Variants in STPG2 observed in about 807,000 individuals in gnomAD.
STPG2 encodes sperm tail PG-rich repeat containing 2, also known as sperm-tail PG-rich repeat-containing protein 2.
A neutral mutation model predicts 54.2 loss-of-function variants in STPG2; 56 were observed. The observed-to-expected ratio is 1.03, with a 90% CI of 0.83 to 1.29. The LOEUF is 1.29. STPG2 is among the 50% of genes most tolerant of loss of function. The pLI, the probability that STPG2 is intolerant of heterozygous loss-of-function variation, is 0.00. For synonymous variants in STPG2, 200 were observed against 181.8 expected (o/e 1.10, Z -0.81); for missense variants, 596 against 544.9 (o/e 1.09, Z -0.93).
At chr4:97,844,941 A>G (rs1728905344) in intron 8 of STPG2, among the ~76,000 whole-genome samples, 1 of 151,860 alleles carries the variant, frequency 6.6e-6, no homozygotes, top group Admixed American at 6.6e-5. Flanking sequence ...CTGCCCTCTC[A>G]AATCTCCTGA....
At chr4:97,602,017 G>A (rs953009062) in intron 10 of STPG2, among the ~76,000 whole-genome samples, 1 of 149,312 alleles carries the variant, frequency 6.7e-6, no homozygotes, top group Admixed American at 6.6e-5. Context: ...TTACATAGTA[G>A]GTTTTAAATA....
intron 5 of STPG2, among the ~76,000 whole-genome samples, chr4:98,061,200 G>A (rs1279873977): frequency 6.6e-6 from 1 of 152,000 alleles, no homozygotes; most frequent in Non-Finnish European, 1.5e-5. Flanking sequence ...GCATCTATAA[G>A]GATGCTGTAT....
At chr4:97,602,035 AT>A (rs1189844082) in intron 10 of STPG2, among the ~76,000 whole-genome samples, 1 of 151,776 alleles carries the variant, frequency 6.6e-6, no homozygotes, top group African/African-American at 2.4e-5. Context: ...ATAATTTTAC[AT>A]ATTCTAATTA....
At chr4:98,124,434 G>A (rs1739774032) in intron 3 of STPG2, among the ~76,000 whole-genome samples, 1 of 152,124 alleles carries the variant, frequency 6.6e-6, no homozygotes, top group Admixed American at 6.5e-5. Flanking sequence ...CTTCACTTAT[G>A]AAGCTTAGTT....
intron 8 of STPG2, among the ~76,000 whole-genome samples, chr4:97,922,645 G>C (rs1190934989): frequency 3.9e-5 from 6 of 152,192 alleles, no homozygotes; most frequent in Non-Finnish European, 8.8e-5. Context: ...TCCAAACCTA[G>C]GAATCTGCAA....
chr4:97,797,734 A>G (rs1258998594), intron 9 of STPG2, among the ~76,000 whole-genome samples: 5 of 152,024 alleles, frequency 3.3e-5, no homozygotes, highest in Admixed American at 2.6e-4. Flanking sequence ...TTCTTTTTCT[A>G]TTGACTGGAA....
chr4:98,115,728 T>A (rs1235089058), intron 3 of STPG2, among the ~76,000 whole-genome samples: 1 of 152,006 alleles, frequency 6.6e-6, no homozygotes, highest in Non-Finnish European at 1.5e-5. Flanking sequence ...AAAATTCAGA[T>A]AAGATTTGAA....
At chr4:97,516,140 T>G (rs1045247120) in intron 4 of STPG2, among the ~76,000 whole-genome samples, 1 of 152,160 alleles carries the variant, frequency 6.6e-6, no homozygotes, top group African/African-American at 2.4e-5. Flanking sequence ...TCATTCACAG[T>G]GGAATAAAAT....
At chr4:97,727,803 A>G (rs1724671316) in intron 9 of STPG2, among the ~76,000 whole-genome samples, 3 of 151,734 alleles carry the variant, frequency 2.0e-5, no homozygotes, top group Admixed American at 1.3e-4. Context: ...GGATAGCCAC[A>G]TTAGTGTTTT....
intron 5 of STPG2, among the ~76,000 whole-genome samples, chr4:98,084,616 T>C (rs1738450925): frequency 6.6e-6 from 1 of 152,172 alleles, no homozygotes; most frequent in Non-Finnish European, 1.5e-5. Context: ...TTGCTATGAG[T>C]ATTTGATATT....
intron 5 of STPG2, among the ~76,000 whole-genome samples, chr4:97,994,216 T>A (rs371272551): frequency 6.6e-6 from 1 of 152,208 alleles, no homozygotes; most frequent in South Asian, 2.1e-4. Context: ...CTTTATTTCA[T>A]TGTTAACCCA....
At chr4:97,543,775 C>T (rs894265900) in intron 4 of STPG2, among the ~76,000 whole-genome samples, 7 of 151,908 alleles carry the variant, frequency 4.6e-5, no homozygotes, top group Non-Finnish European at 5.9e-5. Flanking sequence ...AATTTTGATC[C>T]AGTCTTTTTG....
chr4:97,689,259 A>G (rs746905954), intron 10 of STPG2, among the ~76,000 whole-genome samples: 3 of 152,280 alleles, frequency 2.0e-5, no homozygotes, highest in Non-Finnish European at 2.9e-5. Flanking sequence ...ACTAATAAAC[A>G]TAGTAAATAT....
intron 9 of STPG2, among the ~76,000 whole-genome samples, chr4:97,786,206 A>T (rs1450709069): frequency 1.3e-5 from 2 of 152,042 alleles, no homozygotes; most frequent in Non-Finnish European, 2.9e-5. Flanking sequence ...TTAAAAAAAA[A>T]AAAATCTTAC....
intron 4 of STPG2, among the ~76,000 whole-genome samples, chr4:97,478,464 G>C (rs531586693): frequency 4.6e-5 from 7 of 152,132 alleles, no homozygotes; most frequent in South Asian, 2.1e-4. Context: ...AATAATAGAC[G>C]ATCACTGTAA....
At chr4:98,008,952 G>A (rs1219123630) in intron 5 of STPG2, among the ~76,000 whole-genome samples, 1 of 151,886 alleles carries the variant, frequency 6.6e-6, no homozygotes, top group African/African-American at 2.4e-5. Flanking sequence ...ATAGTGTCTT[G>A]TAATCCTTTG....
intron 2 of STPG2, among the ~76,000 whole-genome samples, chr4:98,132,520 G>C (rs1487988456): frequency 2.0e-5 from 3 of 151,908 alleles, no homozygotes; most frequent in Non-Finnish European, 2.9e-5. Context: ...ACTGATCATA[G>C]CTTGCTGGTC....
chr4:97,651,983 T>C (rs375366915), intron 10 of STPG2, among the ~76,000 whole-genome samples: 41 of 151,942 alleles, frequency 2.7e-4, no homozygotes, highest in African/African-American at 9.2e-4. Flanking sequence ...GCTAAAAATA[T>C]CTTGAGTGAA....
At chr4:98,024,170 T>G (rs923426363) in intron 5 of STPG2, among the ~76,000 whole-genome samples, 7 of 152,228 alleles carry the variant, frequency 4.6e-5, no homozygotes, top group African/African-American at 1.7e-4. Flanking sequence ...TCAGCCATCT[T>G]GGCTCCTTAC....
Sources: allele counts gnomAD v4.1 joint callset (sites outside exome capture counted in the v4.1 genomes callset), GRCh38; gene constraint gnomAD v4.1.1; transcripts MANE v1.5; gene names NCBI Gene and HGNC (gene_info 2026-07-23, HGNC 2026-07-21).